Variants in ROCK2 observed in about 807,000 individuals in gnomAD.
ROCK2 encodes Rho associated coiled-coil containing protein kinase 2.
ROCK2 carries 61 observed loss-of-function variants against 195.1 expected under a neutral mutation model. That is an observed-to-expected ratio of 0.31 (90% CI 0.25 to 0.39). The LOEUF is 0.39. Ranked by LOEUF, ROCK2 falls within the 10% of genes least tolerant of loss-of-function variation. The probability of loss-of-function intolerance (pLI) is 1.00; values close to 1 mark genes in which losing one functional copy is unlikely to be tolerated. For missense variants in ROCK2, 1,109 were observed against 1,637.4 expected, an observed-to-expected ratio of 0.68 and a Z score of 5.57; for synonymous variants, 504 against 545.5, an observed-to-expected ratio of 0.92 and a Z score of 1.06.
intron 3 of ROCK2, among the ~76,000 whole-genome samples, chr2:11,284,935 CG>C (rs1667132139): frequency 6.6e-6 from 1 of 152,164 alleles, no homozygotes; most frequent in South Asian, 2.1e-4. Context: ...AATTATTCAA[CG>C]TGCTACCATT....
At chr2:11,224,066 T>C (rs947858642) in intron 7 of ROCK2, among the ~76,000 whole-genome samples, 2 of 152,176 alleles carry the variant, frequency 1.3e-5, no homozygotes, top group Non-Finnish European at 2.9e-5. Flanking sequence ...TCAAATCCAT[T>C]GTTTTACCAC....
intron 20 of ROCK2, among the ~76,000 whole-genome samples, chr2:11,202,328 G>C (rs1663885416): frequency 6.6e-6 from 1 of 151,810 alleles, no homozygotes; most frequent in African/African-American, 2.4e-5. Flanking sequence ...TTTTCCTGAG[G>C]CCACATGACT....
intron 3 of ROCK2, among the ~76,000 whole-genome samples, chr2:11,256,781 C>T (rs1666051235): frequency 6.6e-6 from 1 of 151,114 alleles, no homozygotes; most frequent in Non-Finnish European, 1.5e-5. Flanking sequence ...GAGGCATAAC[C>T]ATTCTAATTA....
Position 11,285,261 on chromosome 2 carries a change from T to TAAAAA in ROCK2, c.324+1273_324+1277dup, listed in dbSNP as rs35144359. ...TGGGCAACAAGAGTGAAACTCTGTCTAAAAAAAAAAAAAAAAAAAAATGTT... is the reference window on the plus strand; with the variant it reads ...TGGGCAACAAGAGTGAAACTCTGTCTAAAAAAAAAAAAAAAAAAAAAAAAAATGTT... On this transcript the variant is annotated intron_variant, in intron 3 of 32. Transcript: ENST00000315872. Among the ~76,000 whole-genome samples the TAAAAA allele has an allele frequency of 6.7e-4, 78 of 117,242 alleles. 2 individuals are homozygous for TAAAAA. In the East Asian group the frequency reaches 0.018, roughly 27 times the overall value. 76.9% of individuals were successfully genotyped at this position (117,242 alleles called of 152,430 possible). A position where few individuals can be genotyped will look rare whatever the true frequency, so the allele number is the denominator to read the frequency against.
intron 3 of ROCK2, among the ~76,000 whole-genome samples, chr2:11,262,507 A>ACC (rs1666263439): frequency 6.6e-6 from 1 of 152,202 alleles, no homozygotes; most frequent in Non-Finnish European, 1.5e-5. Flanking sequence ...GTGGGAGGTA[A>ACC]CTGAATCATG....
At chr2:11,279,511 CAG>C (rs1340495180) in intron 3 of ROCK2, among the ~76,000 whole-genome samples, 1 of 152,166 alleles carries the variant, frequency 6.6e-6, no homozygotes, top group Non-Finnish European at 1.5e-5. Flanking sequence ...TGTCTATCAA[CAG>C]AGTGTCAAAT....
At chr2:11,288,324 T>C in intron 1 of ROCK2, among the ~76,000 whole-genome samples, 1 of 152,080 alleles carries the variant, frequency 6.6e-6, no homozygotes, top group Non-Finnish European at 1.5e-5. Context: ...TATATACACA[T>C]AATGGTGGAG....
chr2:11,239,310 T>C (rs1232077701), intron 4 of ROCK2, among the ~76,000 whole-genome samples: 1 of 152,078 alleles, frequency 6.6e-6, no homozygotes, highest in Non-Finnish European at 1.5e-5. Flanking sequence ...TTACAAGTGA[T>C]ATATATATAG....
rs550933094 is a variant in ROCK2 at position 11,272,213 on chromosome 2, G to A, written c.324+14326C>T. Among the ~76,000 whole-genome samples the A allele has an allele frequency of 3.9e-5, 6 of 152,186 alleles. No homozygotes were observed. The South Asian group carries it at 1.2e-3, about 32-fold the overall frequency. On this transcript the variant is annotated intron_variant, in intron 3 of 32. Transcript: ENST00000315872. ...AAGGGAGCTTGTTACCAGTAGACCT[G>A]ACCTGCAAGAAATGGTCAATGAAGT... is the stretch of plus-strand genomic sequence containing the variant.
intron 20 of ROCK2, among the ~76,000 whole-genome samples, chr2:11,206,368 T>C (rs950775135): frequency 6.6e-6 from 1 of 152,086 alleles, no homozygotes; most frequent in African/African-American, 2.4e-5. Context: ...ACAACCTAGA[T>C]GATTAACTAG....
chr2:11,323,313 T>C (rs1030783393), intron 1 of ROCK2, among the ~76,000 whole-genome samples: 1 of 152,222 alleles, frequency 6.6e-6, no homozygotes, highest in Non-Finnish European at 1.5e-5. Flanking sequence ...CCTCCAAACC[T>C]CAGTTTCCCC....
chr2:11,291,670 A>C (rs1322835560), intron 1 of ROCK2, among the ~76,000 whole-genome samples: 1 of 152,236 alleles, frequency 6.6e-6, no homozygotes, highest in Non-Finnish European at 1.5e-5. Flanking sequence ...AATATGATGG[A>C]GATACCCTCT....
In ROCK2 at chr2:11,223,532, G is replaced by A. The variant is rs146120457; in HGVS notation, c.1007+790C>T. Among the ~76,000 whole-genome samples, 1,005 of 152,238 alleles carry A rather than the reference G, an allele frequency of 6.6e-3. 4 individuals are homozygous for A. Among genetic ancestry groups the A allele is most frequent in the Middle Eastern group, 0.044 (13 of 294 alleles). ...CAATAAGATGTGCTAAGGAATCTTAGCATATTAAAGCTAGAAATGCCCTTA... is the reference window on the plus strand; with the variant it reads ...CAATAAGATGTGCTAAGGAATCTTAACATATTAAAGCTAGAAATGCCCTTA... On this transcript the variant is annotated intron_variant, in intron 7 of 32. Transcript: ENST00000315872.
chr2:11,248,362 T>G (rs1004117733), intron 4 of ROCK2, among the ~76,000 whole-genome samples: 1 of 151,916 alleles, frequency 6.6e-6, no homozygotes. Context: ...ATTTACTTAC[T>G]AGTATAAAAA....
At position 11,344,492 on chromosome 2, in the gene ROCK2, GC is replaced by G. The variant is rs1669223572; in HGVS notation, c.-357del. The G allele has an allele frequency of 1.0e-6, 1 of 993,292 alleles. No individual in the cohort carries two copies. Among genetic ancestry groups the G allele is most frequent in the African/African-American group, 1.7e-5 (1 of 57,568 alleles). The allele number at this position is 993,292 out of a possible 1,614,324, so 61.5% of individuals were successfully genotyped here. ...CGCCGCCACCGCCGCGGCCCGGACC[GC>G]CCCGCCCTCTGGGGCCCCGGGAGGC... On this transcript the variant is annotated 5_prime_UTR_variant, in exon 1 of 33. Transcript: ENST00000315872. The surrounding 1 kb of genome is among the most constrained non-coding windows in gnomAD (Gnocchi z 5.4).
intron 1 of ROCK2, among the ~76,000 whole-genome samples, chr2:11,292,151 C>T (rs1166139033): frequency 6.6e-6 from 1 of 151,608 alleles, no homozygotes; most frequent in African/African-American, 2.4e-5. Context: ...TTTTAAATAC[C>T]GTATTAAAAA....
In ROCK2 at chr2:11,326,793, T is replaced by C. The variant is rs527700446; in HGVS notation, c.141+17203A>G. Among the ~76,000 whole-genome samples, 12 of 152,176 alleles carry C rather than the reference T, an allele frequency of 7.9e-5. No homozygotes were observed. In the South Asian group the frequency reaches 1.0e-3, roughly 13 times the overall value. Reference sequence around the variant, plus strand: ...TGAGGCAGCATGAGGAAACATCTCATCCACTGAAATTGAAGGAAAGGAAGA... The same window carrying C: ...TGAGGCAGCATGAGGAAACATCTCACCCACTGAAATTGAAGGAAAGGAAGA... On this transcript the variant is annotated intron_variant, in intron 1 of 32. Coordinates refer to ENST00000315872, the MANE Select transcript of ROCK2 (RefSeq NM_004850.5).
intron 3 of ROCK2, among the ~76,000 whole-genome samples, chr2:11,265,997 T>C (rs1250803259): frequency 6.6e-6 from 1 of 152,196 alleles, no homozygotes; most frequent in Non-Finnish European, 1.5e-5. Context: ...TTTTTCTATT[T>C]TTAGATTTTT....
At chr2:11,196,341 T>C (rs1472386235) in intron 27 of ROCK2, among the ~76,000 whole-genome samples, 1 of 152,196 alleles carries the variant, frequency 6.6e-6, no homozygotes, top group East Asian at 1.9e-4. Flanking sequence ...TTTGAATCAG[T>C]CGAAGTACTT....
Sources: gnomAD v4.1 joint callset for allele counts (sites outside exome capture counted in the v4.1 genomes callset) on GRCh38, gnomAD v4.1.1 for gene constraint, Gnocchi (gnomAD v3.1) non-coding constraint, MANE v1.5 for transcripts, NCBI Gene and HGNC (gene_info 2026-07-23, HGNC 2026-07-21) for gene names.